ARID1B: variants seen among roughly 807,000 people sequenced by gnomAD.
ARID1B encodes AT-rich interaction domain 1B.
A neutral mutation model predicts 212.3 loss-of-function variants in ARID1B; 30 were observed. The ratio of observed to expected loss-of-function variants is 0.14; its 90% CI spans 0.11 to 0.19. The LOEUF (loss-of-function observed/expected upper bound fraction) is 0.19. Ranked by LOEUF, ARID1B falls within the 10% of genes least tolerant of loss-of-function variation. The pLI, the probability that ARID1B is intolerant of heterozygous loss-of-function variation, is 1.00. For missense variants in ARID1B, 2,891 were observed against 3,204.0 expected (o/e 0.90, Z 2.36); for synonymous variants, 1,402 against 1,301.7 (o/e 1.08, Z -1.66).
At position 157,091,893 on chromosome 6, in the gene ARID1B, T is replaced by C. The variant is rs533525102; in HGVS notation, c.2491+6988T>C. On this transcript the variant is annotated intron_variant, in intron 5 of 19. Coordinates refer to ENST00000636930, the MANE Select transcript of ARID1B (RefSeq NM_001374828.1). The stretch of plus-strand genomic sequence containing the variant: ...ATTTCTTGTACTGACAGAAATTTTT[T>C]ATTTGAAAGTCTGCATAATCATCTT... Among the ~76,000 whole-genome samples the C allele has an allele frequency of 2.5e-4, 38 of 152,380 alleles. 1 individual carries two copies. The South Asian group carries it at 6.2e-3, about 25-fold the overall frequency.
At chr6:156,930,989 G>A (rs1455124023) in intron 3 of ARID1B, among the ~76,000 whole-genome samples, 1 of 152,076 alleles carries the variant, frequency 6.6e-6, no homozygotes, top group Admixed American at 6.5e-5. Flanking sequence ...AGGAGATAGA[G>A]ACCATTCTGG....
At chr6:157,184,667 T>G (rs1002139951) in intron 13 of ARID1B, 19 of 590,198 alleles carry the variant, frequency 3.2e-5, no homozygotes, top group Non-Finnish European at 5.5e-5. Flanking sequence ...AGGCACCCCT[T>G]CTTTTGCTTT....
At position 157,207,899 on chromosome 6, in the gene ARID1B, G is replaced by GA; in HGVS notation, c.*9dup. The GA allele has an allele frequency of 6.8e-7, 1 of 1,480,576 alleles. No homozygotes were observed. The highest frequency in any genetic ancestry group is 1.5e-5 in the South Asian group (1 of 65,680). 91.7% of individuals were successfully genotyped at this position (1,480,576 alleles called of 1,614,324 possible). On this transcript the variant is annotated 3_prime_UTR_variant, in exon 20 of 20. Coordinates refer to ENST00000636930, the MANE Select transcript of ARID1B (RefSeq NM_001374828.1). This position sits in a 1 kb window ranked among gnomAD's most constrained non-coding sequence, Gnocchi z 8.5. ...CAGATTGGGCAGTTATGACATAAGT[G>GA]AGAAGGCAAGCATGTGTGAGTGAAG...
At chr6:156,957,531 A>G (rs888037858) in intron 4 of ARID1B, among the ~76,000 whole-genome samples, 3 of 152,186 alleles carry the variant, frequency 2.0e-5, no homozygotes, top group African/African-American at 7.2e-5. Flanking sequence ...TGGAGTGTCC[A>G]TCACTTGGCA....
chr6:156,825,888 A>G (rs1286403237), intron 1 of ARID1B, among the ~76,000 whole-genome samples: 1 of 152,204 alleles, frequency 6.6e-6, no homozygotes, highest in Non-Finnish European at 1.5e-5. Context: ...AAATAATCAC[A>G]TTTTATTTTT....
At chr6:156,932,155 C>T (rs370728582) in intron 3 of ARID1B, among the ~76,000 whole-genome samples, 5,412 of 82,954 alleles carry the variant, frequency 0.065, 147 homozygotes, top group African/African-American at 0.08. Context: ...AGGGGGGGGG[C>T]GGGGTGAAGA....
intron 3 of ARID1B, among the ~76,000 whole-genome samples, chr6:156,904,910 A>G (rs287940): frequency 0.26 from 39,575 of 152,124 alleles, 5,723 homozygotes; most frequent in African/African-American, 0.35. Context: ...CTTGGGTTCC[A>G]TCTCTAAGAT....
chr6:157,199,412 C>A (rs1473159788), intron 17 of ARID1B, among the ~76,000 whole-genome samples: 1 of 151,992 alleles, frequency 6.6e-6, no homozygotes, highest in East Asian at 1.9e-4. Flanking sequence ...GTGACCATTG[C>A]AGCTCAGAGA....
At chr6:157,121,337 C>A (rs866742424) in intron 6 of ARID1B, among the ~76,000 whole-genome samples, 1 of 152,140 alleles carries the variant, frequency 6.6e-6, no homozygotes, top group Middle Eastern at 3.4e-3. Context: ...TGTCGTCTAC[C>A]CCCAAATATG....
chr6:157,139,054 A>G (rs1237503233), intron 7 of ARID1B, among the ~76,000 whole-genome samples: 1 of 152,188 alleles, frequency 6.6e-6, no homozygotes, highest in Non-Finnish European at 1.5e-5. Flanking sequence ...TCATGATCTT[A>G]ACAAAACCTG....
chr6:157,140,209 C>T (rs1789245834), intron 7 of ARID1B, among the ~76,000 whole-genome samples: 1 of 152,076 alleles, frequency 6.6e-6, no homozygotes, highest in African/African-American at 2.4e-5. Flanking sequence ...GTGGCTCACG[C>T]CTGTAATCCC....
At chr6:156,912,159 G>A (rs1482029754) in intron 3 of ARID1B, among the ~76,000 whole-genome samples, 2 of 151,964 alleles carry the variant, frequency 1.3e-5, no homozygotes, top group African/African-American at 4.8e-5. Flanking sequence ...TACCCATTCC[G>A]GTGGCAGACT....
At chr6:156,845,746 AT>A (rs1358060690) in intron 2 of ARID1B, among the ~76,000 whole-genome samples, 2 of 151,516 alleles carry the variant, frequency 1.3e-5, no homozygotes, top group East Asian at 1.9e-4. Context: ...ACTTGGTGCT[AT>A]TTTTTTCTTC....
intron 2 of ARID1B, among the ~76,000 whole-genome samples, chr6:156,840,650 C>T (rs896183687): frequency 6.6e-6 from 1 of 152,192 alleles, no homozygotes; most frequent in Admixed American, 6.5e-5. Context: ...AATCCCGGTG[C>T]CCAGGTGCTC....
chr6:157,002,062 T>C (rs952085889), intron 4 of ARID1B, among the ~76,000 whole-genome samples: 2 of 152,242 alleles, frequency 1.3e-5, no homozygotes, highest in African/African-American at 4.8e-5. Context: ...TATTTCAAAT[T>C]GCTTTCTCAA....
chr6:156,961,870 G>T (rs116665142), intron 4 of ARID1B, among the ~76,000 whole-genome samples: 1 of 152,050 alleles, frequency 6.6e-6, no homozygotes, highest in African/African-American at 2.4e-5. Context: ...ATAATGTTGG[G>T]GTGGGGAGCA....
At chr6:156,786,897 A>G (rs1407749185) in intron 1 of ARID1B, among the ~76,000 whole-genome samples, 1 of 151,632 alleles carries the variant, frequency 6.6e-6, no homozygotes, top group Admixed American at 6.6e-5. Context: ...TGGCTCATTT[A>G]AACAAATTGC....
chr6:157,004,911 T>TTTG (rs1779144763), intron 4 of ARID1B, among the ~76,000 whole-genome samples: 1 of 114,894 alleles, frequency 8.7e-6, no homozygotes, highest in African/African-American at 3.9e-5. Context: ...TTTTTTTTTT[T>TTTG]TTTTTTTTTT....
intron 2 of ARID1B, among the ~76,000 whole-genome samples, chr6:156,862,335 C>A (rs1413991376): frequency 6.6e-6 from 1 of 152,144 alleles, no homozygotes; most frequent in East Asian, 1.9e-4. Context: ...GTAAGCAGGG[C>A]TGAGAATCAC....
Sources: allele counts gnomAD v4.1 joint callset (sites outside exome capture counted in the v4.1 genomes callset), GRCh38; gene constraint gnomAD v4.1.1; non-coding constraint Gnocchi (gnomAD v3.1); transcripts MANE v1.5; gene names NCBI Gene and HGNC (gene_info 2026-07-23, HGNC 2026-07-21).